Variants in TBL1X observed in about 807,000 individuals in gnomAD.
The protein encoded by TBL1X is transducin beta like 1 X-linked.
Under a neutral mutation model 50.7 loss-of-function variants are expected in TBL1X, and 10 were observed. The ratio of observed to expected loss-of-function variants is 0.20; its 90% confidence interval spans 0.12 to 0.33. TBL1X has a LOEUF of 0.33. TBL1X is among the 10% of genes least tolerant of loss of function. TBL1X has a pLI of 1.00. For missense variants in TBL1X, 340 were observed against 504.4 expected, an observed-to-expected ratio of 0.67 and a Z score of 3.12; for synonymous variants, 190 against 214.7, an observed-to-expected ratio of 0.88 and a Z score of 1.01.
In TBL1X at chrX:9,688,175, G is replaced by A. The variant is rs761723344; in HGVS notation, c.516G>A (p.Ala172=). 3.6e-5 allele frequency: 43 copies of A among 1,196,493 alleles called. No individual in the cohort carries two copies. The highest frequency in any genetic ancestry group is 4.6e-5 in the Non-Finnish European group (41 of 888,606). The change falls in exon 7 of 18, where the codon GCG becomes GCA. Residue 172 remains alanine (A), a synonymous_variant. Coordinates refer to ENST00000645353, the MANE Select transcript of TBL1X (RefSeq NM_005647.4). ...AAAAAAATAA[A]TAATTTSAGV... ...CGGCGGCTGCGGCCACGGCAGCAGC[G>A]ACAGCAGCCACCACGACCTCAGCCG...
chrX:9,501,477 T>C (rs1303223870), intron 1 of TBL1X, among the ~76,000 whole-genome samples: 1 of 111,454 alleles, frequency 9.0e-6, no homozygotes, highest in Non-Finnish European at 1.9e-5. Flanking sequence ...GCTATGCTTC[T>C]CTTGCTCCTT....
intron 1 of TBL1X, among the ~76,000 whole-genome samples, chrX:9,492,496 T>G (rs1264117535): frequency 1.8e-5 from 2 of 112,260 alleles, no homozygotes; most frequent in East Asian, 2.8e-4. Flanking sequence ...GTCATTATGC[T>G]ACCAGTCTTG....
chrX:9,566,796 TAGTTA>T (rs1713603056), intron 2 of TBL1X, among the ~76,000 whole-genome samples: 1 of 111,732 alleles, frequency 8.9e-6, no homozygotes, highest in African/African-American at 3.3e-5. Flanking sequence ...TGCAAGTTCT[TAGTTA>T]AGTTATTGTC....
rs139943565 is a variant in TBL1X, at chrX:9,710,592, C to T, written c.1439+832C>T. Among the ~76,000 whole-genome samples the T allele has an allele frequency of 9.1e-4, 102 of 111,954 alleles. 1 individual carries two copies. The highest frequency in any genetic ancestry group is 3.2e-3 in the African/African-American group (98 of 30,816). ...GTCAGCAAGTATAAAAGGGGCATCCCGGTACCTAATGGGTCCCTGTTGAAA... is the reference window on the plus strand; with the variant it reads ...GTCAGCAAGTATAAAAGGGGCATCCTGGTACCTAATGGGTCCCTGTTGAAA... On this transcript the variant is annotated intron_variant, in intron 15 of 17. Transcript: ENST00000645353.
At chrX:9,500,747 C>T (rs1255494895) in intron 1 of TBL1X, among the ~76,000 whole-genome samples, 1 of 112,089 alleles carries the variant, frequency 8.9e-6, no homozygotes, top group Non-Finnish European at 1.9e-5. Context: ...TGTGGCAGGG[C>T]CATGTGCCCA....
intron 1 of TBL1X, among the ~76,000 whole-genome samples, chrX:9,493,696 G>A (rs1208890698): frequency 9.0e-6 from 1 of 111,091 alleles, no homozygotes; most frequent in East Asian, 2.8e-4. Context: ...GGGAAGTCGA[G>A]GCTGCAGTGA....
At chrX:9,590,230 C>A (rs2082492625) in intron 2 of TBL1X, among the ~76,000 whole-genome samples, 1 of 111,813 alleles carries the variant, frequency 8.9e-6, no homozygotes, top group African/African-American at 3.2e-5. Flanking sequence ...CGGGTCTTAA[C>A]TTTCTTATAT....
intron 1 of TBL1X, among the ~76,000 whole-genome samples, chrX:9,480,745 C>T (rs1037799730): frequency 3.4e-5 from 3 of 87,563 alleles, no homozygotes; most frequent in Admixed American, 2.9e-4. Flanking sequence ...AAGTCAAAAT[C>T]TAAATTAAGC....
chrX:9,556,205 CA>C (rs372368576), intron 2 of TBL1X, among the ~76,000 whole-genome samples: 1 of 100,683 alleles, frequency 9.9e-6, no homozygotes, highest in African/African-American at 3.6e-5. Context: ...AAAAACAAAA[CA>C]AAACAAAAAA....
intron 2 of TBL1X, among the ~76,000 whole-genome samples, chrX:9,611,544 T>C (rs2082613732): frequency 8.9e-6 from 1 of 112,376 alleles, no homozygotes; most frequent in Non-Finnish European, 1.9e-5. Flanking sequence ...GATTCCCCAA[T>C]GCTTGTAAGG....
chrX:9,497,408 C>CAAA (rs35402306), intron 1 of TBL1X, among the ~76,000 whole-genome samples: 568 of 30,278 alleles, frequency 0.019, 49 homozygotes, highest in Middle Eastern at 0.03. Context: ...GACTCCATCT[C>CAAA]AAAAAAAAAA....
intron 2 of TBL1X, among the ~76,000 whole-genome samples, chrX:9,614,612 A>G (rs111515880): frequency 7.4e-4 from 83 of 111,893 alleles, no homozygotes; most frequent in African/African-American, 2.3e-3. Flanking sequence ...GGCTCATCTG[A>G]CTTGGAAGGG....
intron 1 of TBL1X, among the ~76,000 whole-genome samples, chrX:9,480,708 A>G (rs945027161): frequency 9.2e-6 from 1 of 109,123 alleles, no homozygotes; most frequent in African/African-American, 3.3e-5. Flanking sequence ...AAGGGTCTAA[A>G]CATTTGATAT....
intron 1 of TBL1X, among the ~76,000 whole-genome samples, chrX:9,486,336 C>T (rs781093140): frequency 4.6e-5 from 5 of 109,035 alleles, no homozygotes; most frequent in Admixed American, 9.8e-5. Context: ...TGGGCTCAAG[C>T]GATCCTCCCA....
At chrX:9,618,003 C>G (rs181303389) in intron 2 of TBL1X, among the ~76,000 whole-genome samples, 1 of 111,567 alleles carries the variant, frequency 9.0e-6, no homozygotes, top group African/African-American at 3.3e-5. Flanking sequence ...GTAGCACCGC[C>G]TCCCCCAGTT....
intron 5 of TBL1X, among the ~76,000 whole-genome samples, chrX:9,660,568 T>C (rs1366274942): frequency 8.9e-6 from 1 of 111,939 alleles, no homozygotes; most frequent in Non-Finnish European, 1.9e-5. Context: ...GTGGAACTTA[T>C]GTTCTGATTT....
intron 1 of TBL1X, among the ~76,000 whole-genome samples, chrX:9,466,993 C>T (rs1294420659): frequency 8.9e-6 from 1 of 111,888 alleles, no homozygotes; most frequent in African/African-American, 3.3e-5. Flanking sequence ...CACCCTCGCT[C>T]CCCAACTCTC....
intron 2 of TBL1X, among the ~76,000 whole-genome samples, chrX:9,604,707 C>T (rs1490476932): frequency 1.8e-5 from 2 of 110,767 alleles, no homozygotes; most frequent in African/African-American, 6.6e-5. Context: ...GGATGTTGGC[C>T]GAGCGCCGCT....
In TBL1X at chrX:9,653,616, G is replaced by A. The variant is rs1349120330; in HGVS notation, c.30G>A (p.Ser10=). The A allele has an allele frequency of 8.5e-7, 1 of 1,172,339 alleles. No individual in the cohort carries two copies. The highest frequency in any genetic ancestry group is 1.1e-6 in the Non-Finnish European group (1 of 875,265). ...CCGAGCTCGCTGGCGCCTCTTCATC[G>A]TGCTGCCACCGCCCTGCAGGAAGAG... The part of the protein sequence containing the change: MTELAGASS[S]CCHRPAGRGA... The change falls in exon 4 of 18, where the codon TCG becomes TCA. Residue 10 remains serine (S), a synonymous_variant. Coordinates refer to ENST00000645353, the MANE Select transcript of TBL1X (RefSeq NM_005647.4).
Sources: gnomAD v4.1 joint callset for allele counts (sites outside exome capture counted in the v4.1 genomes callset) on GRCh38, gnomAD v4.1.1 for gene constraint, MANE v1.5 for transcripts, NCBI Gene and HGNC (gene_info 2026-07-23, HGNC 2026-07-21) for gene names.